Variants in DCAF8L2 observed in about 807,000 individuals in gnomAD.
DCAF8L2 encodes DDB1 and CUL4 associated factor 8 like 2, also known as DDB1- and CUL4-associated factor 8-like protein 2.
For missense variants in DCAF8L2, 430 were observed against 490.7 expected, an observed-to-expected ratio of 0.88 and a Z score of 1.17; for synonymous variants, 200 against 190.9, an observed-to-expected ratio of 1.05 and a Z score of -0.39.
intron 1 of DCAF8L2, among the ~76,000 whole-genome samples, chrX:27,600,332 A>T (rs1260556327): frequency 8.9e-6 from 1 of 112,316 alleles, no homozygotes; most frequent in African/African-American, 3.2e-5. Context: ...AATGATCTGT[A>T]TATCCTTCTT....
chrX:27,560,178 A>G, the DCAF8L2 span, among the ~76,000 whole-genome samples: 4 of 108,136 alleles, frequency 3.7e-5, no homozygotes, highest in African/African-American at 1.0e-4. Context: ...GAGGCAGGAG[A>G]ATGGCATGAA....
the DCAF8L2 span, among the ~76,000 whole-genome samples, chrX:27,503,661 C>A: frequency 5.4e-5 from 6 of 110,756 alleles, no homozygotes; most frequent in Non-Finnish European, 1.1e-4. Flanking sequence ...GTGTCTATCT[C>A]TCTCAATATC....
At chrX:27,677,997 T>C (rs908606072) in intron 3 of DCAF8L2, 85 bp downstream of exon 3, 4 of 111,300 alleles carry the variant, frequency 3.6e-5, no homozygotes, top group Non-Finnish European at 5.7e-5. Context: ...AGACATATGA[T>C]TATAGAGATA....
At chrX:27,695,517 A>G (rs915247234) in intron 3 of DCAF8L2, among the ~76,000 whole-genome samples, 1 of 111,917 alleles carries the variant, frequency 8.9e-6, no homozygotes, top group Admixed American at 9.5e-5. Context: ...CACTCATTAC[A>G]TGGGTATCTT....
chrX:27,570,923 A>C, the DCAF8L2 span, among the ~76,000 whole-genome samples: 2 of 111,572 alleles, frequency 1.8e-5, no homozygotes, highest in Non-Finnish European at 3.8e-5. Flanking sequence ...TTCAATAATA[A>C]TACACTAACT....
At chrX:27,723,585 A>G (rs1040219651) in intron 4 of DCAF8L2, among the ~76,000 whole-genome samples, 1 of 111,576 alleles carries the variant, frequency 9.0e-6, no homozygotes, top group Non-Finnish European at 1.9e-5. Flanking sequence ...TGTTGAGACT[A>G]TGGGAAAACA....
At chrX:27,622,379 C>G (rs1195875391) in intron 1 of DCAF8L2, among the ~76,000 whole-genome samples, 1 of 106,511 alleles carries the variant, frequency 9.4e-6, no homozygotes, top group Non-Finnish European at 1.9e-5. Context: ...GAGCCGAGAT[C>G]GCGCCACTGC....
intron 3 of DCAF8L2, among the ~76,000 whole-genome samples, chrX:27,679,202 T>G (rs928646323): frequency 8.9e-6 from 1 of 111,938 alleles, no homozygotes; most frequent in Middle Eastern, 4.7e-3. Flanking sequence ...TTTGAATCCC[T>G]CTTGGTGGAA....
the DCAF8L2 span, among the ~76,000 whole-genome samples, chrX:27,583,614 C>T: frequency 9.0e-6 from 1 of 111,480 alleles, no homozygotes; most frequent in African/African-American, 3.3e-5. Context: ...TGCACCTGCA[C>T]AGCAGGAGGT....
chrX:27,601,448 C>A (rs1255211499), intron 1 of DCAF8L2, among the ~76,000 whole-genome samples: 1 of 112,118 alleles, frequency 8.9e-6, no homozygotes, highest in Admixed American at 9.4e-5. Flanking sequence ...GCCTGTAATC[C>A]CAGCACTTTG....
At chrX:27,644,374 A>G (rs760497327) in intron 2 of DCAF8L2, among the ~76,000 whole-genome samples, 14 of 112,005 alleles carry the variant, frequency 1.2e-4, no homozygotes, top group African/African-American at 3.6e-4. Flanking sequence ...GAGATATTCA[A>G]TTACTGTATG....
chrX:27,714,447 G>A (rs1363848077), intron 3 of DCAF8L2, among the ~76,000 whole-genome samples: 1 of 110,369 alleles, frequency 9.1e-6, no homozygotes, highest in Non-Finnish European at 1.9e-5. Context: ...TCATAATAAG[G>A]CAAAGAAATG....
intron 4 of DCAF8L2, among the ~76,000 whole-genome samples, chrX:27,745,107 G>A (rs894079130): frequency 9.0e-6 from 1 of 111,479 alleles, no homozygotes; most frequent in African/African-American, 3.3e-5. Flanking sequence ...TTATGAACAT[G>A]AATTCTTTTA....
At chrX:27,485,268 T>C in the DCAF8L2 span, among the ~76,000 whole-genome samples, 3 of 111,987 alleles carry the variant, frequency 2.7e-5, no homozygotes, top group Non-Finnish European at 3.8e-5. Context: ...ATTGTTTGCA[T>C]GCATGTTGTT....
chrX:27,622,356 C>T (rs1429518409), intron 1 of DCAF8L2, among the ~76,000 whole-genome samples: 6 of 104,699 alleles, frequency 5.7e-5, no homozygotes, highest in Non-Finnish European at 1.2e-4. Context: ...ACCCAGGAGG[C>T]GGAGCTTGCA....
In DCAF8L2 at chrX:27,748,340, G is replaced by A. The variant is rs765473427; in HGVS notation, c.1445G>A (p.Ser482Asn). 1 of 1,208,864 alleles carries A rather than the reference G, an allele frequency of 8.3e-7. No individual in the cohort carries two copies. Among genetic ancestry groups the A allele is most frequent in the South Asian group, 1.8e-5 (1 of 56,546 alleles). ...GGTGTTAATTTCTATGGCCCCAGGA[G>A]TGAGTTTGTAGTGAGCGGTAGTGAT... ...VKGVNFYGPR[S>N]EFVVSGSDCG... The change falls in exon 5 of 5, where the codon AGT becomes AAT. Residue 482 changes from serine to asparagine, a missense_variant. Coordinates refer to ENST00000451261, the MANE Select transcript of DCAF8L2 (RefSeq NM_001353450.2).
intron 1 of DCAF8L2, among the ~76,000 whole-genome samples, chrX:27,612,856 G>C (rs1477072945): frequency 8.9e-6 from 1 of 111,737 alleles, no homozygotes; most frequent in African/African-American, 3.3e-5. Flanking sequence ...CTGTAGCCTT[G>C]TGGTATAGTT....
chrX:27,648,649 A>G (rs752448401), intron 2 of DCAF8L2, among the ~76,000 whole-genome samples: 16 of 110,518 alleles, frequency 1.4e-4, no homozygotes, highest in African/African-American at 5.2e-4. Flanking sequence ...TGCACAATGA[A>G]TATAGTTTTC....
the DCAF8L2 span, among the ~76,000 whole-genome samples, chrX:27,522,216 G>A: frequency 3.6e-5 from 4 of 111,318 alleles, no homozygotes; most frequent in Non-Finnish European, 5.7e-5. Context: ...TAGTAGAGAC[G>A]GGTTTTCTCC....
Sources: gnomAD v4.1 joint callset for allele counts (sites outside exome capture counted in the v4.1 genomes callset) on GRCh38, gnomAD v4.1.1 for gene constraint, MANE v1.5 for transcripts, NCBI Gene and HGNC (gene_info 2026-07-23, HGNC 2026-07-21) for gene names.